FXN: variants seen among roughly 807,000 people sequenced by gnomAD.
FXN encodes the protein frataxin, also known as frataxin, mitochondrial.
Under a neutral mutation model 22.4 loss-of-function variants are expected in FXN, and 14 were observed. That is an observed-to-expected ratio of 0.62 (90% CI 0.41 to 0.98). FXN has a LOEUF of 0.98. Among genes scored for constraint, FXN ranks in the 50% least tolerant of loss-of-function variants. The probability of loss-of-function intolerance (pLI) is 0.00; values close to 1 mark genes in which losing one functional copy is unlikely to be tolerated. For synonymous variants in FXN, 120 were observed against 114.1 expected, an observed-to-expected ratio of 1.05 and a Z score of -0.33; for missense variants, 267 against 268.4, an observed-to-expected ratio of 0.99 and a Z score of 0.04.
chr9:69,044,624 G>A (rs1222635897), intron 1 of FXN, among the ~76,000 whole-genome samples: 1 of 152,100 alleles, frequency 6.6e-6, no homozygotes, highest in Admixed American at 6.5e-5. Flanking sequence ...CCAGGATGAC[G>A]TCCAGCTGAG....
chr9:69,063,687 T>G (rs1000059908), intron 3 of FXN, among the ~76,000 whole-genome samples: 3 of 151,160 alleles, frequency 2.0e-5, no homozygotes, highest in African/African-American at 7.3e-5. Context: ...GGTTTTTTGT[T>G]TTGTTTTGCT....
At chr9:69,056,354 A>C (rs1485888180) in intron 3 of FXN, among the ~76,000 whole-genome samples, 1 of 152,230 alleles carries the variant, frequency 6.6e-6, no homozygotes, top group African/African-American at 2.4e-5. Flanking sequence ...AGATTATGGG[A>C]GGATCTATGA....
chr9:69,078,805 C>G lies in FXN; in HGVS notation c.*6043C>G. ...TGTTCTTGGCACAGCCTTGCAAACTCCTCCTCCACTCAGCCTCTGCCTGGA... is the reference window on the plus strand; with the variant it reads ...TGTTCTTGGCACAGCCTTGCAAACTGCTCCTCCACTCAGCCTCTGCCTGGA... On this transcript the variant is annotated 3_prime_UTR_variant, in exon 5 of 5. Transcript: ENST00000484259. 1 of 985,706 alleles carries G rather than the reference C, an allele frequency of 1.0e-6. No homozygotes were observed. The highest frequency in any genetic ancestry group is 4.7e-5 in the South Asian group (1 of 21,292). The allele number at this position is 985,706 out of a possible 1,614,324, so 61.1% of individuals were successfully genotyped here. A position where few individuals can be genotyped will look rare whatever the true frequency, so the allele number is the denominator to read the frequency against.
At chr9:69,058,255 T>C (rs1038240600) in intron 3 of FXN, among the ~76,000 whole-genome samples, 44 of 152,058 alleles carry the variant, frequency 2.9e-4, no homozygotes, top group African/African-American at 1.1e-3. Flanking sequence ...CTGGCACTGG[T>C]CATTACAGAA....
chr9:69,071,515 A>G (rs1163521450), intron 4 of FXN, among the ~76,000 whole-genome samples: 1 of 152,166 alleles, frequency 6.6e-6, no homozygotes, highest in East Asian at 1.9e-4. Context: ...GCCGTGGCCA[A>G]TCATCCATGA....
chr9:69,071,986 G>T (rs1832284787), intron 4 of FXN, among the ~76,000 whole-genome samples: 1 of 152,182 alleles, frequency 6.6e-6, no homozygotes, highest in African/African-American at 2.4e-5. Flanking sequence ...ATGTGCCTAG[G>T]TTAGATGCAT....
At chr9:69,048,005 A>G (rs1187396101) in intron 2 of FXN, among the ~76,000 whole-genome samples, 4 of 152,168 alleles carry the variant, frequency 2.6e-5, no homozygotes, top group Admixed American at 2.6e-4. Flanking sequence ...GGCATGAGCC[A>G]CTGCGCCCAG....
intron 3 of FXN, among the ~76,000 whole-genome samples, chr9:69,061,988 G>A (rs1458729291): frequency 2.0e-5 from 3 of 152,106 alleles, no homozygotes; most frequent in Admixed American, 6.5e-5. Flanking sequence ...GAGAGGAGTG[G>A]GAAATAGTAT....
In FXN at chr9:69,076,863, T is replaced by A; in HGVS notation, c.*4101T>A. On this transcript the variant is annotated 3_prime_UTR_variant, in exon 5 of 5. Coordinates refer to ENST00000484259, the MANE Select transcript of FXN (RefSeq NM_000144.5). ...AGGGGCAAAGTTTTGAAATTTCATG[T>A]AAATTTATGCTGTTCAAAACGACGA... The A allele has an allele frequency of 1.0e-6, 1 of 985,496 alleles. No homozygotes were observed. The highest frequency in any genetic ancestry group is 1.1e-4 in the East Asian group (1 of 8,816). The allele number at this position is 985,496 out of a possible 1,614,324, so 61.0% of individuals were successfully genotyped here.
At chr9:69,055,443 G>A (rs1048761715) in intron 3 of FXN, among the ~76,000 whole-genome samples, 1 of 151,916 alleles carries the variant, frequency 6.6e-6, no homozygotes, top group African/African-American at 2.4e-5. Flanking sequence ...TGTTTTGTTA[G>A]AAGCAAATGT....
At position 69,072,929 on chromosome 9, in the gene FXN, C is replaced by G; in HGVS notation, c.*167C>G. On this transcript the variant is annotated 3_prime_UTR_variant, in exon 5 of 5. Transcript: ENST00000484259. ...GCTCTGTAGAAAGAATGTGTTGCCT[C>G]CTACCTTGCCCCCAAGTTCTGATTT... 1 of 1,464,166 alleles carries G rather than the reference C, an allele frequency of 6.8e-7. No individual in the cohort carries two copies. The highest frequency in any genetic ancestry group is 1.4e-5 in the South Asian group (1 of 71,050). The allele number at this position is 1,464,166 out of a possible 1,614,324, so 90.7% of individuals were successfully genotyped here. A position where few individuals can be genotyped will look rare whatever the true frequency, so the allele number is the denominator to read the frequency against.
chr9:69,067,490 G>T (rs1406526821), intron 4 of FXN, among the ~76,000 whole-genome samples: 1 of 152,200 alleles, frequency 6.6e-6, no homozygotes, highest in African/African-American at 2.4e-5. Flanking sequence ...TGGACATGCT[G>T]TGGCCCGGAC....
chr9:69,076,412 T>C lies in FXN; in HGVS notation c.*3650T>C. 1 of 985,394 alleles carries C rather than the reference T, an allele frequency of 1.0e-6. No homozygotes were observed. Among genetic ancestry groups the C allele is most frequent in the Non-Finnish European group, 1.2e-6 (1 of 829,896 alleles). 61.0% of individuals were successfully genotyped at this position (985,394 alleles called of 1,614,324 possible). A position where few individuals can be genotyped will look rare whatever the true frequency, so the allele number is the denominator to read the frequency against. On this transcript the variant is annotated 3_prime_UTR_variant, in exon 5 of 5. Transcript: ENST00000484259. ...GACGTTCCCTACTCAACCTTGAACT[T>C]AATCAAAATACTCAGTTTACTTAAC...
At chr9:69,064,524 T>G (rs910838666) in intron 3 of FXN, among the ~76,000 whole-genome samples, 1 of 152,218 alleles carries the variant, frequency 6.6e-6, no homozygotes, top group Admixed American at 6.5e-5. Flanking sequence ...GATGTTTGAG[T>G]TGACGTGGTA....
chr9:69,072,034 C>T (rs574818743), intron 4 of FXN, among the ~76,000 whole-genome samples: 7 of 152,222 alleles, frequency 4.6e-5, no homozygotes, highest in South Asian at 2.1e-4. Context: ...TGAGTACCCA[C>T]GGATTTTGGT....
At chr9:69,042,857 G>A (rs1831683002) in intron 1 of FXN, among the ~76,000 whole-genome samples, 1 of 152,128 alleles carries the variant, frequency 6.6e-6, no homozygotes, top group African/African-American at 2.4e-5. Flanking sequence ...TAATTCCTGG[G>A]AAAACAATTC....
chr9:69,072,618 T>C lies in FXN; in HGVS notation c.489T>C (p.Pro163=), dbSNP rs1439123892. 1.3e-5 allele frequency: 21 copies of C among 1,614,178 alleles called. No homozygotes were observed. The highest frequency in any genetic ancestry group is 1.6e-5 in the Non-Finnish European group (19 of 1,180,032). The change falls in exon 5 of 5, where the codon CCT becomes CCC. Residue 163 remains proline, a synonymous_variant. Coordinates refer to ENST00000484259, the MANE Select transcript of FXN (RefSeq NM_000144.5). ...QIWLSSPSSG[P]KRYDWTGKNW... Reference sequence around the variant, plus strand: ...CATTTGTTTTGTCTTCCAGTGGACCTAAGCGTTATGACTGGACTGGGAAAA... The same window carrying C: ...CATTTGTTTTGTCTTCCAGTGGACCCAAGCGTTATGACTGGACTGGGAAAA...
At chr9:69,048,766 A>G (rs1420157266) in intron 2 of FXN, among the ~76,000 whole-genome samples, 1 of 152,102 alleles carries the variant, frequency 6.6e-6, no homozygotes, top group African/African-American at 2.4e-5. Context: ...GGAACATTCT[A>G]CCTGTCCCCA....
chr9:69,058,706 T>A (rs1366476784), intron 3 of FXN, among the ~76,000 whole-genome samples: 1 of 152,014 alleles, frequency 6.6e-6, no homozygotes, highest in African/African-American at 2.4e-5. Flanking sequence ...GACTCCACGG[T>A]GTGCCACGTG....
Sources: gnomAD v4.1 joint callset for allele counts (sites outside exome capture counted in the v4.1 genomes callset) on GRCh38, gnomAD v4.1.1 for gene constraint, MANE v1.5 for transcripts, NCBI Gene and HGNC (gene_info 2026-07-23, HGNC 2026-07-21) for gene names.